Variants in SPAG16 observed in about 807,000 individuals in gnomAD.
SPAG16 encodes the protein sperm associated antigen 16.
A neutral mutation model predicts 80.4 loss-of-function variants in SPAG16; 86 were observed. The ratio of observed to expected loss-of-function variants is 1.07; its 90% confidence interval spans 0.90 to 1.28. SPAG16 has a LOEUF of 1.28. SPAG16 is among the 50% of genes most tolerant of loss of function. SPAG16 has a pLI of 0.00. For missense variants in SPAG16, 870 were observed against 765.3 expected (o/e 1.14, Z -1.61); for synonymous variants, 294 against 265.9 (o/e 1.11, Z -1.03).
chr2:214,317,322 T>G (rs1021044480), intron 15 of SPAG16, among the ~76,000 whole-genome samples: 1 of 152,192 alleles, frequency 6.6e-6, no homozygotes, highest in East Asian at 1.9e-4. Flanking sequence ...TCCAAGTCAT[T>G]AACATTAACA....
At chr2:214,170,510 AT>A (rs2056836758) in intron 15 of SPAG16, among the ~76,000 whole-genome samples, 1 of 151,944 alleles carries the variant, frequency 6.6e-6, no homozygotes. Flanking sequence ...TTTCTGTTGC[AT>A]TTGTGTCCCT....
At chr2:213,683,038 A>T (rs1175835951) in intron 10 of SPAG16, among the ~76,000 whole-genome samples, 1 of 152,196 alleles carries the variant, frequency 6.6e-6, no homozygotes, top group African/African-American at 2.4e-5. Flanking sequence ...CACAAACTGG[A>T]TATTGCGTCC....
chr2:213,452,740 C>T (rs566260428), intron 9 of SPAG16, among the ~76,000 whole-genome samples: 61 of 152,198 alleles, frequency 4.0e-4, no homozygotes, highest in Non-Finnish European at 7.8e-4. Flanking sequence ...CCCCTTGTCT[C>T]TTTTTTTCAG....
At chr2:213,757,262 ATTGTTGTCCATACTAC>A (rs1050490424) in intron 10 of SPAG16, among the ~76,000 whole-genome samples, 9 of 152,332 alleles carry the variant, frequency 5.9e-5, no homozygotes, top group African/African-American at 2.2e-4. Flanking sequence ...ATGACTTAAT[ATTGTTGTCCATACTAC>A]TTAAAGCTAT....
chr2:213,447,093 A>C (rs2071363987), intron 9 of SPAG16, among the ~76,000 whole-genome samples: 1 of 152,242 alleles, frequency 6.6e-6, no homozygotes, highest in African/African-American at 2.4e-5. Context: ...ATGTAGTAGT[A>C]TTAAAAAATG....
chr2:214,241,908 A>G (rs1689525625), intron 15 of SPAG16, among the ~76,000 whole-genome samples: 1 of 151,964 alleles, frequency 6.6e-6, no homozygotes, highest in Non-Finnish European at 1.5e-5. Context: ...AAAAATTCTG[A>G]TGGTCAGAGT....
In SPAG16 at chr2:213,522,853, AAACTAAT is replaced by A. The variant is rs1219349653; in HGVS notation, c.1070+32765_1070+32771del. 4.0e-5 allele frequency among the ~76,000 whole-genome samples: 6 copies of A among 149,212 alleles called. No individual in the cohort carries two copies. In the Admixed American group the frequency reaches 4.0e-4, roughly 10 times the overall value. On this transcript the variant is annotated intron_variant, in intron 10 of 15. Coordinates refer to ENST00000331683, the MANE Select transcript of SPAG16 (RefSeq NM_024532.5). ...ATATATAACAAACATATATATAAAA[AAACTAAT>A]ATATATATGTTTTAGGCATTTTAGA...
intron 13 of SPAG16, among the ~76,000 whole-genome samples, chr2:214,029,928 G>T (rs1341717664): frequency 6.6e-6 from 1 of 152,038 alleles, no homozygotes; most frequent in Non-Finnish European, 1.5e-5. Context: ...CACAATCAAG[G>T]TAATAAATAT....
chr2:213,806,355 A>T (rs1321332405), intron 10 of SPAG16, among the ~76,000 whole-genome samples: 1 of 152,180 alleles, frequency 6.6e-6, no homozygotes, highest in African/African-American at 2.4e-5. Context: ...AAATGTTTAC[A>T]GTTAAAGTGC....
At chr2:213,902,525 C>G (rs1287878900) in intron 11 of SPAG16, among the ~76,000 whole-genome samples, 2 of 152,162 alleles carry the variant, frequency 1.3e-5, no homozygotes, top group Admixed American at 1.3e-4. Context: ...ACCATTAGAA[C>G]AGTATGGGGG....
At chr2:213,703,714 G>A (rs1027814119) in intron 10 of SPAG16, among the ~76,000 whole-genome samples, 1 of 152,204 alleles carries the variant, frequency 6.6e-6, no homozygotes, top group East Asian at 1.9e-4. Context: ...GCTCTCCTCA[G>A]AGTAACCTCA....
At chr2:213,366,321 G>T (rs7589864) in intron 8 of SPAG16, among the ~76,000 whole-genome samples, 103,193 of 151,872 alleles carry the variant, frequency 0.68, 35,833 homozygotes, top group East Asian at 1. Context: ...CCTAAGAAAA[G>T]AACTAATCAT....
intron 9 of SPAG16, among the ~76,000 whole-genome samples, chr2:213,433,335 A>T (rs989090168): frequency 2.6e-5 from 4 of 152,226 alleles, no homozygotes; most frequent in Non-Finnish European, 5.9e-5. Flanking sequence ...TGATGATCTT[A>T]TACTTGATTA....
chr2:214,089,230 T>A (rs2051997732), intron 13 of SPAG16, among the ~76,000 whole-genome samples: 1 of 151,990 alleles, frequency 6.6e-6, no homozygotes, highest in East Asian at 1.9e-4. Flanking sequence ...GAAAATTGAA[T>A]GGAGAGGTTG....
chr2:213,455,941 T>G (rs759101902), intron 9 of SPAG16, among the ~76,000 whole-genome samples: 1 of 152,164 alleles, frequency 6.6e-6, no homozygotes, highest in Non-Finnish European at 1.5e-5. Flanking sequence ...CAGGTTGCCC[T>G]TTTAAAACCC....
intron 12 of SPAG16, among the ~76,000 whole-genome samples, chr2:213,957,534 GT>G (rs926336353): frequency 1.3e-5 from 2 of 151,828 alleles, no homozygotes; most frequent in Admixed American, 6.6e-5. Context: ...TTAGATCATG[GT>G]TTTTAATCCA....
chr2:213,823,225 G>T (rs2073062581), intron 10 of SPAG16, among the ~76,000 whole-genome samples: 1 of 152,114 alleles, frequency 6.6e-6, no homozygotes, highest in Admixed American at 6.6e-5. Context: ...CCACAGCCTT[G>T]CCAACATCTA....
chr2:214,243,874 A>C (rs962948711), intron 15 of SPAG16, among the ~76,000 whole-genome samples: 13 of 152,264 alleles, frequency 8.5e-5, no homozygotes, highest in African/African-American at 3.1e-4. Context: ...ATAGGAATGA[A>C]GGAGTTCCTC....
chr2:214,248,537 T>A (rs1690024757), intron 15 of SPAG16, among the ~76,000 whole-genome samples: 1 of 152,018 alleles, frequency 6.6e-6, no homozygotes, highest in African/African-American at 2.4e-5. Flanking sequence ...CAGGTTGGTC[T>A]TGATCTTGTG....
Sources: gnomAD v4.1 joint callset for allele counts (sites outside exome capture counted in the v4.1 genomes callset) on GRCh38, gnomAD v4.1.1 for gene constraint, MANE v1.5 for transcripts, NCBI Gene and HGNC (gene_info 2026-07-23, HGNC 2026-07-21) for gene names.